ELOA2: variants seen among roughly 807,000 people sequenced by gnomAD.
ELOA2 encodes the protein elongin-A2.
For missense variants in ELOA2, 1,271 were observed against 979.7 expected, an observed-to-expected ratio of 1.30 and a Z score of -3.97; for synonymous variants, 497 against 398.8, an observed-to-expected ratio of 1.25 and a Z score of -2.94.
At position 47,034,820 on chromosome 18, in the gene ELOA2, G is replaced by C; in HGVS notation, c.445C>G (p.Arg149Gly). ...QQRPHPRSHS[R>G]EPRAERKCPR... The stretch of plus-strand genomic sequence containing the variant: ...CACTTTCTCTCAGCTCTGGGCTCGC[G>C]ACTGTGAGACCTCGGGTGAGGTCTC... The change falls in exon 1 of 1, where the codon CGC becomes GGC. Residue 149 changes from arginine (R) to glycine (G), a missense_variant. Physicochemically the swap from Arg to Gly is moderately radical, Grantham distance 125. Transcript: ENST00000332567. 1 of 1,612,122 alleles carries C rather than the reference G, an allele frequency of 6.2e-7. No homozygotes were observed. The highest frequency in any genetic ancestry group is 1.1e-5 in the South Asian group (1 of 90,984).
chr18:47,033,007 C>T lies in ELOA2; in HGVS notation c.2258G>A (p.Arg753Gln). The change falls in exon 1 of 1, where the codon CGA (arginine) becomes CAA (glutamine). Residue 753 changes from arginine to glutamine, a missense_variant. Coordinates refer to ENST00000332567, the MANE Select transcript of ELOA2 (RefSeq NM_016427.3). ...IRDYKRRFSR[R>Q] ...TCTGCAAGGCAAGTCCTGAGTTTAT[C>T]GTCGGGAGAATCTTCTCTTGTAGTC... 1.9e-6 allele frequency: 3 copies of T among 1,614,104 alleles called. No individual in the cohort carries two copies. The highest frequency in any genetic ancestry group is 2.2e-5 in the East Asian group (1 of 44,890).
At position 47,034,288 on chromosome 18, in the gene ELOA2, C is replaced by T; in HGVS notation, c.977G>A (p.Gly326Glu). Residue 326 changes from glycine (G) to glutamate (E), a missense_variant, in exon 1 of 1, where the codon GGA becomes GAA. Transcript: ENST00000332567. ...GGGCGACAGGCCGTGTGTCCCATTT[C>T]CTGGGTCCCGGCCGTCTAGACTGGG... ...KRPSLDGRDPGNGTHGLSPEE... is the reference protein window; with the variant it reads ...KRPSLDGRDPENGTHGLSPEE... 6.2e-7 allele frequency: 1 copy of T among 1,613,714 alleles called. No individual in the cohort carries two copies.
rs756635546 is a variant in ELOA2 at position 47,034,587 on chromosome 18, C to T, written c.678G>A (p.Gly226=). The T allele has an allele frequency of 1.2e-6, 2 of 1,614,164 alleles. No homozygotes were observed. The highest frequency in any genetic ancestry group is 1.1e-5 in the South Asian group (1 of 91,076). ...QGKAVVSHSK[G]HKSSRQEKRP... ...GTTTTTCCTGGCGAGACGATTTGTG[C>T]CCCTTGCTGTGGCTCACAACGGCTT... Residue 226 remains glycine, a synonymous_variant, in exon 1 of 1, where the codon GGG becomes GGA. Transcript: ENST00000332567.
chr18:47,035,437 G>T lies in ELOA2; in HGVS notation c.-173C>A. Reference sequence around the variant, plus strand: ...GGGTCCTCGGAGCAGCAGGCCACTTGGTCTGGAACGGCCGTCCTTGCAGAC... The same window carrying T: ...GGGTCCTCGGAGCAGCAGGCCACTTTGTCTGGAACGGCCGTCCTTGCAGAC... On this transcript the variant is annotated 5_prime_UTR_variant, in exon 1 of 1. Transcript: ENST00000332567. 1 of 1,375,970 alleles carries T rather than the reference G, an allele frequency of 7.3e-7. No individual in the cohort carries two copies. The highest frequency in any genetic ancestry group is 1.5e-5 in the South Asian group (1 of 66,724). The allele number at this position is 1,375,970 out of a possible 1,614,324, so 85.2% of individuals were successfully genotyped here.
Position 47,034,893 on chromosome 18 carries a change from G to A in ELOA2, c.372C>T (p.His124=). The change falls in exon 1 of 1, where the codon CAC becomes CAT. Residue 124 remains histidine (H), a synonymous_variant. Transcript: ENST00000332567. ...ENATAPRSPS[H]SPEHRRTARR... ...GTGCTGTCCGTCTGTGCTCAGGGCT[G>A]TGAGATGGGCTCCTGGGGGCCGTCG... 6.2e-7 allele frequency: 1 copy of A among 1,612,090 alleles called. No homozygotes were observed. The highest frequency in any genetic ancestry group is 1.1e-5 in the South Asian group (1 of 90,986).
At position 47,033,217 on chromosome 18, in the gene ELOA2, T is replaced by C. The variant is rs1384556516; in HGVS notation, c.2048A>G (p.His683Arg). ...KPASKPAGSS[H>R]TPSSQSSSGG... The stretch of plus-strand genomic sequence containing the variant: ...GCTGCTGCTCTGGCTGGAGGGAGTG[T>C]GGCTGCTTCCCGCGGGCTTGGAGGC... Residue 683 changes from histidine to arginine, a missense_variant, in exon 1 of 1, where the codon CAC becomes CGC. By Grantham distance (29) the His-to-Arg change is conservative. Coordinates refer to ENST00000332567, the MANE Select transcript of ELOA2 (RefSeq NM_016427.3). 20 of 1,614,008 alleles carry C rather than the reference T, an allele frequency of 1.2e-5. No homozygotes were observed. Among genetic ancestry groups the C allele is most frequent in the South Asian group, 2.2e-5 (2 of 91,072 alleles).
In ELOA2 at chr18:47,033,665, C is replaced by T. The variant is rs1793563655; in HGVS notation, c.1600G>A (p.Ala534Thr). ...TCCGGATTGTTTCTAAGCACCTGGG[C>T]ACACTGCTGGCGCAGCGTCGGCACC... ...LQVPTLRQQC[A>T]QVLRNNPDAL... The change falls in exon 1 of 1, where the codon GCC becomes ACC. Residue 534 changes from alanine to threonine, a missense_variant. Coordinates refer to ENST00000332567, the MANE Select transcript of ELOA2 (RefSeq NM_016427.3). 5 of 1,614,206 alleles carry T rather than the reference C, an allele frequency of 3.1e-6. No homozygotes were observed. The African/African-American group carries it at 6.7e-5, about 22-fold the overall frequency.
In ELOA2 at chr18:47,033,495, G is replaced by T. The variant is rs1382014304; in HGVS notation, c.1770C>A (p.Phe590Leu). 1.9e-6 allele frequency: 3 copies of T among 1,614,028 alleles called. No homozygotes were observed. Among genetic ancestry groups the T allele is most frequent in the Middle Eastern group, 1.6e-4 (1 of 6,084 alleles). Residue 590 changes from phenylalanine (F) to leucine (L), a missense_variant, in exon 1 of 1, where the codon TTC becomes TTA. Coordinates refer to ENST00000332567, the MANE Select transcript of ELOA2 (RefSeq NM_016427.3). ...ETDELRRNHC[F>L]QDFKEEKPQE... ...GTGGCTTTTCTTCCTTGAAGTCCTG[G>T]AAACAATGATTCCTCCGTAATTCGT...
Position 47,035,389 on chromosome 18 carries a change from G to T in ELOA2, c.-125C>A. ...TCGCCAGGCAGCGACCTCGGGATGT[G>T]GAGTCACAGCCTGGAGCGAGCTGGG... On this transcript the variant is annotated 5_prime_UTR_variant, in exon 1 of 1. Coordinates refer to ENST00000332567, the MANE Select transcript of ELOA2 (RefSeq NM_016427.3). The T allele has an allele frequency of 8.5e-6, 13 of 1,531,180 alleles. No homozygotes were observed. Among genetic ancestry groups the T allele is most frequent in the South Asian group, 1.3e-5 (1 of 79,174 alleles). The allele number at this position is 1,531,180 out of a possible 1,614,324, so 94.8% of individuals were successfully genotyped here.
rs746500532 is a variant in ELOA2 at position 47,034,057 on chromosome 18, G to T, written c.1208C>A (p.Ala403Asp). Residue 403 changes from alanine (A) to aspartate (D), a missense_variant, in exon 1 of 1, where the codon GCC becomes GAC. Ala to Asp is a moderately radical substitution (Grantham distance 126, BLOSUM62 -2). Coordinates refer to ENST00000332567, the MANE Select transcript of ELOA2 (RefSeq NM_016427.3). ...RKQKKKTGKSATTALGDKQRK... is the reference protein window; with the variant it reads ...RKQKKKTGKSDTTALGDKQRK... Reference sequence around the variant, plus strand: ...TTGTTTATCTCCAAGTGCAGTGGTGGCAGATTTTCCAGTCTTTTTCTTTTG... The same window carrying T: ...TTGTTTATCTCCAAGTGCAGTGGTGTCAGATTTTCCAGTCTTTTTCTTTTG... 1.2e-6 allele frequency: 2 copies of T among 1,614,190 alleles called. No individual in the cohort carries two copies. Among genetic ancestry groups the T allele is most frequent in the Admixed American group, 3.3e-5 (2 of 60,028 alleles).
chr18:47,032,858 C>CACATG lies in ELOA2; in HGVS notation c.*140_*144dup. The CACATG allele has an allele frequency of 6.6e-7, 1 of 1,505,700 alleles. No individual in the cohort carries two copies. 93.3% of individuals were successfully genotyped at this position (1,505,700 alleles called of 1,614,324 possible). ...GTGGGAGGCAAAATCACAGGGCCAG[C>CACATG]ACATGACACCTGCAGAATTCAAAGG... is the stretch of plus-strand genomic sequence containing the variant. On this transcript the variant is annotated 3_prime_UTR_variant, in exon 1 of 1. Transcript: ENST00000332567.
rs2060593757 is a variant in ELOA2, at chr18:47,033,540, G to A, written c.1725C>T (p.His575=). 1 of 1,614,142 alleles carries A rather than the reference G, an allele frequency of 6.2e-7. No individual in the cohort carries two copies. The highest frequency in any genetic ancestry group is 8.5e-7 in the Non-Finnish European group (1 of 1,180,038). ...DQLYRRKKDN[H]ALVRETDELR... is the part of the protein sequence containing the mutation. ...ATTCGTCTGTCTCTCTAACGAGTGC[G>A]TGATTGTCTTTCTTTCTGCGATACA... Residue 575 remains histidine (H), a synonymous_variant, in exon 1 of 1, where the codon CAC becomes CAT. Coordinates refer to ENST00000332567, the MANE Select transcript of ELOA2 (RefSeq NM_016427.3).
In ELOA2 at chr18:47,035,225, G is replaced by T; in HGVS notation, c.40C>A (p.Leu14Met). Residue 14 changes from leucine to methionine, a missense_variant, in exon 1 of 1, where the codon CTG (leucine) becomes ATG (methionine). Coordinates refer to ENST00000332567, the MANE Select transcript of ELOA2 (RefSeq NM_016427.3). ...GSTTLHAVEKLQVRLATKTEP... is the reference protein window; with the variant it reads ...GSTTLHAVEKMQVRLATKTEP... ...GTCTTAGTGGCCAGACGCACCTGCAGCTTCTCCACTGCGTGCAGCGTAGTG... is the reference window on the plus strand; with the variant it reads ...GTCTTAGTGGCCAGACGCACCTGCATCTTCTCCACTGCGTGCAGCGTAGTG... 1.9e-6 allele frequency: 3 copies of T among 1,612,786 alleles called. No individual in the cohort carries two copies. In the East Asian group the frequency reaches 6.7e-5, roughly 36 times the overall value.
In ELOA2 at chr18:47,032,679, GA is replaced by G; in HGVS notation, c.*323del. On this transcript the variant is annotated 3_prime_UTR_variant, in exon 1 of 1. Coordinates refer to ENST00000332567, the MANE Select transcript of ELOA2 (RefSeq NM_016427.3). ...CTTGATTTCGAAAAAAAAAAGAAAG[GA>G]AAAAGGAAATCTCACATCTTTTTCC... 1 of 404,268 alleles carries G rather than the reference GA, an allele frequency of 2.5e-6. No individual in the cohort carries two copies. Among genetic ancestry groups the G allele is most frequent in the Non-Finnish European group, 4.4e-6 (1 of 228,322 alleles). The allele number at this position is 404,268 out of a possible 1,614,324, so 25.0% of individuals were successfully genotyped here.
chr18:47,032,830 G>A lies in ELOA2; in HGVS notation c.*173C>T. ...TCTCCAAGCTGGGAGGTAGTGGCTG[G>A]GTGTGGGAGGCAAAATCACAGGGCC... On this transcript the variant is annotated 3_prime_UTR_variant, in exon 1 of 1. Coordinates refer to ENST00000332567, the MANE Select transcript of ELOA2 (RefSeq NM_016427.3). 1.6e-6 allele frequency: 2 copies of A among 1,265,834 alleles called. No individual in the cohort carries two copies. Among genetic ancestry groups the A allele is most frequent in the East Asian group, 2.5e-5 (1 of 40,304 alleles). The allele number at this position is 1,265,834 out of a possible 1,614,324, so 78.4% of individuals were successfully genotyped here. A position where few individuals can be genotyped will look rare whatever the true frequency, so the allele number is the denominator to read the frequency against.
chr18:47,034,462 C>T, the ELOA2 span: 2 of 1,614,178 alleles, frequency 1.2e-6, no homozygotes, highest in Non-Finnish European at 1.7e-6. Flanking sequence ...GGCACTTGCC[C>T]AGGAGGGCAT....
chr18:47,033,443 A>T lies in ELOA2; in HGVS notation c.1822T>A (p.Tyr608Asn), dbSNP rs778320356. Residue 608 changes from tyrosine (Y) to asparagine (N), a missense_variant, in exon 1 of 1, where the codon TAC (tyrosine) becomes AAC (asparagine). Coordinates refer to ENST00000332567, the MANE Select transcript of ELOA2 (RefSeq NM_016427.3). The stretch of plus-strand genomic sequence containing the variant: ...TCTGGGGCGTCCGGAAGCCGCAGGT[A>T]CTGCTCCCTCCAAGTTTTGTTTTCC... The part of the protein sequence containing the change: ...PQENKTWREQ[Y>N]LRLPDAPEQR... 6.2e-7 allele frequency: 1 copy of T among 1,614,118 alleles called. No individual in the cohort carries two copies.
Position 47,033,575 on chromosome 18 carries a change from G to T in ELOA2, c.1690C>A (p.Pro564Thr), listed in dbSNP as rs749997713. The T allele has an allele frequency of 6.2e-7, 1 of 1,614,176 alleles. No homozygotes were observed. The highest frequency in any genetic ancestry group is 1.7e-5 in the Admixed American group (1 of 60,028). The change falls in exon 1 of 1, where the codon CCC becomes ACC. Residue 564 changes from proline to threonine, a missense_variant. Coordinates refer to ENST00000332567, the MANE Select transcript of ELOA2 (RefSeq NM_016427.3). ...TTCTTTCTGCGATACAGCTGATCGG[G>T]CCTCCACCCTTCCAGAACAGGTTCA... ...VLEPVLEGWR[P>T]DQLYRRKKDN... is the part of the protein sequence containing the mutation.
Position 47,032,937 on chromosome 18 carries a change from C to T in ELOA2, c.*66G>A. 6.2e-7 allele frequency: 1 copy of T among 1,611,376 alleles called. No individual in the cohort carries two copies. The highest frequency in any genetic ancestry group is 8.5e-7 in the Non-Finnish European group (1 of 1,178,916). ...GGTGTCCATTGGAAGTTTCGTTCCC[C>T]AACCCGCATTGACTTTGCCAATGCA... On this transcript the variant is annotated 3_prime_UTR_variant, in exon 1 of 1. Transcript: ENST00000332567.
Sources: gnomAD v4.1 joint callset for allele counts on GRCh38, gnomAD v4.1.1 for gene constraint, MANE v1.5 for transcripts, NCBI Gene and HGNC (gene_info 2026-07-23, HGNC 2026-07-21) for gene names.